GZF1: variants seen among roughly 807,000 people sequenced by gnomAD.
GZF1 encodes GDNF inducible zinc finger protein 1.
Under a neutral mutation model 49.4 loss-of-function variants are expected in GZF1, and 28 were observed. The ratio of observed to expected loss-of-function variants is 0.57; its 90% confidence interval spans 0.42 to 0.78. GZF1 has a LOEUF of 0.78. GZF1 is among the 30% of genes least tolerant of loss of function. GZF1 has a pLI of 0.00. For synonymous variants in GZF1, 364 were observed against 356.0 expected (o/e 1.02, Z -0.25); for missense variants, 798 against 916.2 (o/e 0.87, Z 1.67).
At position 23,370,187 on chromosome 20, in the gene GZF1, G is replaced by C. The variant is rs768188580; in HGVS notation, c.1882G>C (p.Glu628Gln). The change falls in exon 6 of 6, where the codon GAG (glutamate) becomes CAG (glutamine). Residue 628 changes from glutamate (E) to glutamine (Q), a missense_variant. Physicochemically the swap from Glu to Gln is conservative, Grantham distance 29 (BLOSUM62 2). Around this residue, in one of 3 missense-constraint regions of GZF1, gnomAD observed 446 missense variants for 540.1 expected, o/e 0.83. Transcript: ENST00000338121. ...DGHKTEQPDE[E>Q]YVSSKLSDKL... ...ACACAAGACTGAACAGCCTGACGAA[G>C]AGTATGTGTCATCCAAGCTTTCGGA... The C allele has an allele frequency of 2.5e-6, 4 of 1,614,252 alleles. No homozygotes were observed. In the South Asian group the frequency reaches 4.4e-5, roughly 18 times the overall value.
chr20:23,365,037 A>G lies in GZF1; in HGVS notation c.654A>G (p.Lys218=), dbSNP rs146668371. ...KKEVVKPPYP[K]IRRASGRLAG... The stretch of plus-strand genomic sequence containing the variant: ...AGGTAGTTAAACCTCCCTACCCTAA[A>G]ATCAGGAGAGCTAGTGGAAGGCTGG... The change falls in exon 2 of 6, where the codon AAA becomes AAG. Residue 218 remains lysine, a synonymous_variant. Coordinates refer to ENST00000338121, the MANE Select transcript of GZF1 (RefSeq NM_022482.5). The G allele has an allele frequency of 4.0e-5, 64 of 1,614,040 alleles. No homozygotes were observed. Among genetic ancestry groups the G allele is most frequent in the Non-Finnish European group, 5.4e-5 (64 of 1,180,036 alleles).
At chr20:23,364,040 A>G (rs769536592) in intron 1 of GZF1, among the ~76,000 whole-genome samples, 28 of 152,230 alleles carry the variant, frequency 1.8e-4, no homozygotes, top group Non-Finnish European at 1.0e-4. Context: ...TTTGGGGACT[A>G]TGTAAGCAAA....
Position 23,364,714 on chromosome 20 carries a change from G to T in GZF1, c.331G>T (p.Glu111Ter). ...AGAAGATCGGGTGCAGCGAATGCTG[G>T]AAGTGGCTGAAAAGCTGAAATGTTT... ...VEEDRVQRMLEVAEKLKCLDL... is the reference protein window; with the variant it reads ...VEEDRVQRML Residue 111 changes from glutamate (E) to a stop codon, truncating the protein, a stop_gained, in exon 2 of 6, where the codon GAA becomes TAA. Coordinates refer to ENST00000338121, the MANE Select transcript of GZF1 (RefSeq NM_022482.5). LOFTEE classifies it high-confidence loss of function. 1 of 1,614,262 alleles carries T rather than the reference G, an allele frequency of 6.2e-7. No individual in the cohort carries two copies. The highest frequency in any genetic ancestry group is 8.5e-7 in the Non-Finnish European group (1 of 1,180,036).
intron 1 of GZF1, among the ~76,000 whole-genome samples, chr20:23,363,670 T>G (rs1265088488): frequency 2.0e-5 from 3 of 152,200 alleles, no homozygotes; most frequent in Admixed American, 2.0e-4. Context: ...AGTTTCAGGC[T>G]CATGGAACCC....
Position 23,365,508 on chromosome 20 carries a change from C to T in GZF1, c.1125C>T (p.Arg375=), listed in dbSNP as rs759137463. The change falls in exon 2 of 6, where the codon CGC becomes CGT. Residue 375 remains arginine, a synonymous_variant. Coordinates refer to ENST00000338121, the MANE Select transcript of GZF1 (RefSeq NM_022482.5). ...AGCGCCACGTGCACAGCAGCGAGCG[C>T]CATTTCCCATGCGAGCTGTGCGGGA... ...SHQRHVHSSE[R]HFPCELCGKK... 1 of 1,613,800 alleles carries T rather than the reference C, an allele frequency of 6.2e-7. No homozygotes were observed. The highest frequency in any genetic ancestry group is 1.3e-5 in the African/African-American group (1 of 75,070).
At chr20:23,366,960 T>C (rs751784917) in intron 2 of GZF1, 43 bp from the exon 3 acceptor site, 93 of 1,383,810 alleles carry the variant, frequency 6.7e-5, no homozygotes, top group Non-Finnish European at 3.7e-5. Flanking sequence ...AAAGTGAGCT[T>C]TGAAATACAT....
In GZF1 at chr20:23,363,716, A is replaced by C. The variant is rs184880802; in HGVS notation, c.-21-647A>C. ...CGGTCAGCCTTCTTCAGAGGAGGAA[A>C]TGGGTTCAGAGAAGTTGCTTGCTCA... On this transcript the variant is annotated intron_variant, in intron 1 of 5. Transcript: ENST00000338121. Among the ~76,000 whole-genome samples the C allele has an allele frequency of 9.3e-4, 142 of 152,320 alleles. 1 individual carries two copies. The highest frequency in any genetic ancestry group is 7.9e-3 in the South Asian group (38 of 4,830).
chr20:23,371,648 G>A lies in GZF1; in HGVS notation c.*1207G>A, dbSNP rs1458877074. The A allele has an allele frequency of 6.6e-6, 1 of 152,594 alleles. No individual in the cohort carries two copies. Among genetic ancestry groups the A allele is most frequent in the Non-Finnish European group, 1.5e-5 (1 of 68,038 alleles). The allele number at this position is 152,594 out of a possible 1,614,324, so 9.5% of individuals were successfully genotyped here. ...TGTATTTGTTAAACGTTGACATTTGGTTCTAGGGCCTTGAGTATGTGCCAC... is the reference window on the plus strand; with the variant it reads ...TGTATTTGTTAAACGTTGACATTTGATTCTAGGGCCTTGAGTATGTGCCAC... On this transcript the variant is annotated 3_prime_UTR_variant, in exon 6 of 6. Transcript: ENST00000338121.
In GZF1 at chr20:23,371,950, G is replaced by A. The variant is rs887693379; in HGVS notation, c.*1509G>A. 18 of 152,554 alleles carry A rather than the reference G, an allele frequency of 1.2e-4. No individual in the cohort carries two copies. Among genetic ancestry groups the A allele is most frequent in the African/African-American group, 4.3e-4 (18 of 41,424 alleles). The allele number at this position is 152,554 out of a possible 1,614,324, so 9.5% of individuals were successfully genotyped here. On this transcript the variant is annotated 3_prime_UTR_variant, in exon 6 of 6. Transcript: ENST00000338121. ...GAAACCACTACAAGGTGTTTCAGGC[G>A]CTGATAACATGCTTCACACCTGCCC...
chr20:23,369,262 C>G (rs1385898625), intron 4 of GZF1, among the ~76,000 whole-genome samples: 5 of 152,178 alleles, frequency 3.3e-5, no homozygotes, highest in Non-Finnish European at 7.3e-5. Flanking sequence ...TTAGTAAATG[C>G]ACATGCACAC....
Position 23,368,090 on chromosome 20 carries a change from A to G in GZF1, c.1460-672A>G, listed in dbSNP as rs561836947. The stretch of plus-strand genomic sequence containing the variant: ...GCATTTAATGACATGCATTATGACT[A>G]CAGAATGAGTAGAATTGTTTAAAGA... On this transcript the variant is annotated intron_variant, in intron 3 of 5. Transcript: ENST00000338121. Among the ~76,000 whole-genome samples the G allele has an allele frequency of 6.1e-4, 93 of 152,366 alleles. 1 individual carries two copies. The highest frequency in any genetic ancestry group is 1.1e-3 in the Non-Finnish European group (78 of 68,030).
At chr20:23,365,985 G>C (rs1981325084) in intron 2 of GZF1, among the ~76,000 whole-genome samples, 1 of 152,236 alleles carries the variant, frequency 6.6e-6, no homozygotes, top group African/African-American at 2.4e-5. Flanking sequence ...TGGTGGGACC[G>C]CGACAGCGGC....
rs550753903 is a variant in GZF1, at chr20:23,368,144, T to A, written c.1460-618T>A. ...CTTGGGATTGGGGACAAGGTCAGGT[T>A]ATAATGAAGGATTAAGTTAGAATTG... is the stretch of plus-strand genomic sequence containing the variant. On this transcript the variant is annotated intron_variant, in intron 3 of 5. Transcript: ENST00000338121. 8.5e-5 allele frequency among the ~76,000 whole-genome samples: 13 copies of A among 152,238 alleles called. 1 individual carries two copies. Among genetic ancestry groups the A allele is most frequent in the Non-Finnish European group, 1.0e-4 (7 of 68,038 alleles).
chr20:23,368,871 A>G lies in GZF1; in HGVS notation c.1569A>G (p.Val523=). Residue 523 remains valine (V), a synonymous_variant, in exon 4 of 6, where the codon GTA becomes GTG. Transcript: ENST00000338121. Reference sequence around the variant, plus strand: ...GATCCAAACCCTTTAAATGTGAAGTATGTTTCAGGACTTTTGCCCAGCGGA... The same window carrying G: ...GATCCAAACCCTTTAAATGTGAAGTGTGTTTCAGGACTTTTGCCCAGCGGA... ...HTGSKPFKCE[V]CFRTFAQRNS... 1 of 1,614,070 alleles carries G rather than the reference A, an allele frequency of 6.2e-7. No homozygotes were observed. The highest frequency in any genetic ancestry group is 8.5e-7 in the Non-Finnish European group (1 of 1,179,944).
Position 23,368,795 on chromosome 20 carries a change from A to G in GZF1, c.1493A>G (p.Lys498Arg), listed in dbSNP as rs772333064. Reference protein sequence around the residue: ...ERPFMCETCGKSFASKEYLKH... With the variant: ...ERPFMCETCGRSFASKEYLKH... ...CCTTTTATGTGTGAAACATGTGGCA[A>G]GAGTTTTGCTTCTAAGGAGTACTTA... Residue 498 changes from lysine (K) to arginine (R), a missense_variant, in exon 4 of 6, where the codon AAG becomes AGG. By Grantham distance (26) the Lys-to-Arg change is conservative (BLOSUM62 2). Transcript: ENST00000338121. The G allele has an allele frequency of 1.2e-6, 2 of 1,611,482 alleles. No individual in the cohort carries two copies. Among genetic ancestry groups the G allele is most frequent in the Non-Finnish European group, 1.7e-6 (2 of 1,179,062 alleles).
chr20:23,366,219 A>G (rs1981362706), intron 2 of GZF1, among the ~76,000 whole-genome samples: 1 of 152,224 alleles, frequency 6.6e-6, no homozygotes, highest in Non-Finnish European at 1.5e-5. Context: ...CTCCAGAATC[A>G]GGACAGACAG....
At position 23,370,568 on chromosome 20, in the gene GZF1, C is replaced by G. The variant is rs566761302; in HGVS notation, c.*127C>G. 21 of 677,500 alleles carry G rather than the reference C, an allele frequency of 3.1e-5. No individual in the cohort carries two copies. The South Asian group carries it at 3.7e-4, about 12-fold the overall frequency. 42.0% of individuals were successfully genotyped at this position (677,500 alleles called of 1,614,324 possible). ...GCAAGAATGGCCTCTGCAGATTTTC[C>G]TGAACTTCTGCTAACTTGCACGGCT... On this transcript the variant is annotated 3_prime_UTR_variant, in exon 6 of 6. Transcript: ENST00000338121.
intron 4 of GZF1, among the ~76,000 whole-genome samples, chr20:23,369,155 A>C (rs564187514): frequency 1.3e-5 from 2 of 152,348 alleles, no homozygotes; most frequent in Admixed American, 1.3e-4. Flanking sequence ...CCTTTGCTAC[A>C]TGGAGTTTTT....
Position 23,370,595 on chromosome 20 carries a change from T to G in GZF1, c.*154T>G, listed in dbSNP as rs780429188. The G allele has an allele frequency of 1.6e-6, 1 of 615,118 alleles. No individual in the cohort carries two copies. Among genetic ancestry groups the G allele is most frequent in the Non-Finnish European group, 2.9e-6 (1 of 349,264 alleles). 38.1% of individuals were successfully genotyped at this position (615,118 alleles called of 1,614,324 possible). On this transcript the variant is annotated 3_prime_UTR_variant, in exon 6 of 6. Coordinates refer to ENST00000338121, the MANE Select transcript of GZF1 (RefSeq NM_022482.5). The stretch of plus-strand genomic sequence containing the variant: ...GAACTTCTGCTAACTTGCACGGCTT[T>G]ATCACAGCATTTTTAAAGCTTTCCC...
Sources: gnomAD v4.1 joint callset for allele counts (sites outside exome capture counted in the v4.1 genomes callset) on GRCh38, gnomAD v4.1.1 for gene constraint, gnomAD v4.1.1 regional missense constraint, MANE v1.5 for transcripts, NCBI Gene and HGNC (gene_info 2026-07-23, HGNC 2026-07-21) for gene names.